The following LTBP2 variants were observed in gnomAD, a reference collection of about 807,000 sequenced individuals.
The protein encoded by LTBP2 is latent transforming growth factor beta binding protein 2.
LTBP2 carries 103 observed loss-of-function variants against 210.6 expected under a neutral mutation model. That is an observed-to-expected ratio of 0.49 (90% confidence interval 0.42 to 0.58). The LOEUF (loss-of-function observed/expected upper bound fraction) is 0.58, where lower values mean the gene tolerates loss of function less well. LTBP2 is among the 20% of genes least tolerant of loss of function. The pLI, the probability that LTBP2 is intolerant of heterozygous loss-of-function variation, is 0.00. For synonymous variants in LTBP2, 1,007 were observed against 1,015.0 expected, an observed-to-expected ratio of 0.99 and a Z score of 0.15; for missense variants, 2,313 against 2,494.5, an observed-to-expected ratio of 0.93 and a Z score of 1.55.
intron 2 of LTBP2, among the ~76,000 whole-genome samples, chr14:74,594,542 C>T (rs1201125588): frequency 1.3e-5 from 2 of 152,210 alleles, no homozygotes; most frequent in Non-Finnish European, 2.9e-5. Context: ...GGGGCCCTGT[C>T]CCCTTTCACA....
chr14:74,595,486 G>A (rs2088347549), intron 2 of LTBP2, among the ~76,000 whole-genome samples: 1 of 152,234 alleles, frequency 6.6e-6, no homozygotes, highest in African/African-American at 2.4e-5. Context: ...GGGCCCCAGA[G>A]GTGAGACAGG....
Position 74,511,370 on chromosome 14 carries a change from A to G in LTBP2, c.2909-6T>C. The G allele has an allele frequency of 6.2e-7, 1 of 1,613,952 alleles. No homozygotes were observed. Among genetic ancestry groups the G allele is most frequent in the Non-Finnish European group, 8.5e-7 (1 of 1,179,918 alleles). ...GTGACGGCATTCGTTGATATCTGCA[A>G]AACAGCAGCCCCTCCCTTGGTCATC... On this transcript the variant is annotated splice_polypyrimidine_tract_variant and splice_region_variant and intron_variant, in intron 18 of 35. Transcript: ENST00000261978.
intron 1 of LTBP2, among the ~76,000 whole-genome samples, chr14:74,610,527 G>C (rs150765424): frequency 6.6e-5 from 10 of 152,340 alleles, no homozygotes; most frequent in Middle Eastern, 6.8e-3. Context: ...GCCCTTCCCA[G>C]ACTTCCCGAT....
Position 74,503,962 on chromosome 14 carries a change from C to T in LTBP2, c.4546G>A (p.Gly1516Ser), listed in dbSNP as rs371111102. The T allele has an allele frequency of 1.7e-5, 27 of 1,614,028 alleles. No individual in the cohort carries two copies. The highest frequency in any genetic ancestry group is 8.9e-5 in the East Asian group (4 of 44,890). The change falls in exon 31 of 36, where the codon GGC (glycine) becomes AGC (serine). Residue 1516 changes from glycine to serine, a missense_variant. By Grantham distance (56) the Gly-to-Ser change is moderately conservative (BLOSUM62 0). Around this residue, in one of 3 missense-constraint regions of LTBP2, gnomAD observed 443 missense variants for 501.4 expected, o/e 0.88. Transcript: ENST00000261978. ...VPGYVCLCNP[G>S]FHYDASHKKC... ...TTGTGGGAAGCATCGTAGTGGAAGC[C>T]GGGATTGCACAGGCAGACATAACCA...
At position 74,528,669 on chromosome 14, in the gene LTBP2, G is replaced by A. The variant is rs2087309445; in HGVS notation, c.2182C>T (p.His728Tyr). Residue 728 changes from histidine to tyrosine, a missense_variant, in exon 12 of 36, where the codon CAC becomes TAC. His to Tyr is a moderately conservative substitution (Grantham distance 83, BLOSUM62 2). This residue lies in a region of LTBP2 where 1,867 missense variants were observed against 1,976.9 expected (regional missense o/e 0.94). Coordinates refer to ENST00000261978, the MANE Select transcript of LTBP2 (RefSeq NM_000428.3). The part of the protein sequence containing the change: ...EAFREICPAG[H>Y]GYTYASSDIR... ...TCGGAGCTCGCGTAGGTGTAGCCGT[G>A]GCCGGCAGGGCAGATCTCTCTGAAG... 1 of 1,612,852 alleles carries A rather than the reference G, an allele frequency of 6.2e-7. No individual in the cohort carries two copies. Among genetic ancestry groups the A allele is most frequent in the Non-Finnish European group, 8.5e-7 (1 of 1,180,038 alleles).
intron 21 of LTBP2, 98 bp from the exon 22 acceptor site, chr14:74,509,461 G>T: frequency 6.4e-7 from 1 of 1,564,660 alleles, no homozygotes; most frequent in Non-Finnish European, 8.8e-7. Flanking sequence ...AGCCCCTGGG[G>T]CTTTCCTAAA....
intron 3 of LTBP2, among the ~76,000 whole-genome samples, chr14:74,578,727 G>C (rs1289217710): frequency 2.6e-5 from 4 of 152,188 alleles, no homozygotes; most frequent in Non-Finnish European, 4.4e-5. Context: ...GCCTTGTCCT[G>C]TGTCCTCCCT....
At chr14:74,580,257 T>C (rs2088118935) in intron 3 of LTBP2, among the ~76,000 whole-genome samples, 1 of 152,122 alleles carries the variant, frequency 6.6e-6, no homozygotes, top group South Asian at 2.1e-4. Context: ...CGGGTTGAAT[T>C]GTGTCCTCAT....
At chr14:74,555,739 G>GTGTC (rs1181754906) in intron 3 of LTBP2, 46 bp from the exon 4 acceptor site, 1 of 1,405,474 alleles carries the variant, frequency 7.1e-7, no homozygotes, top group African/African-American at 1.4e-5. Context: ...TGGGAACAGT[G>GTGTC]TGTCTGTGCC....
In LTBP2 at chr14:74,501,709, C is replaced by T. The variant is rs1185328220; in HGVS notation, c.5171-119G>A. The T allele has an allele frequency of 6.6e-6, 8 of 1,210,144 alleles. No homozygotes were observed. In the East Asian group the frequency reaches 1.5e-4, roughly 22 times the overall value. The allele number at this position is 1,210,144 out of a possible 1,614,324, so 75.0% of individuals were successfully genotyped here. ...CCCTGTGGAACTGTGGGGGTGGGGG[C>T]AGAGAGGATCATAAAATTCTTGTGG... is the stretch of plus-strand genomic sequence containing the variant. On this transcript the variant is annotated intron_variant, in intron 34 of 35. Transcript: ENST00000261978.
chr14:74,606,968 A>C (rs1458584927), intron 1 of LTBP2, among the ~76,000 whole-genome samples: 2 of 151,974 alleles, frequency 1.3e-5, no homozygotes, highest in African/African-American at 2.4e-5. Flanking sequence ...GTTGTATCTC[A>C]GTCTTGGGTA....
Position 74,503,470 on chromosome 14 carries a change from C to T in LTBP2, c.4719G>A (p.Thr1573=), listed in dbSNP as rs763812721. The change falls in exon 32 of 36, where the codon ACG becomes ACA. Residue 1573 remains threonine, a splice_region_variant and synonymous_variant. Transcript: ENST00000261978. ...QQRCMNSTSS[T]EDLPDHDIHM... ...TCCCCCACGCTCAGGCCCACTCACC[C>T]GTGCTGCTGGTGCTGTTCATGCAGC... 25 of 1,610,790 alleles carry T rather than the reference C, an allele frequency of 1.6e-5. No individual in the cohort carries two copies. Among genetic ancestry groups the T allele is most frequent in the Admixed American group, 8.4e-5 (5 of 59,828 alleles).
intron 18 of LTBP2, among the ~76,000 whole-genome samples, chr14:74,514,915 G>A (rs73308081): frequency 0.014 from 2,056 of 152,230 alleles, 41 homozygotes; most frequent in African/African-American, 0.048. Flanking sequence ...CAACAGACTC[G>A]GAGTGTCTGC....
intron 22 of LTBP2, 65 bp from the exon 23 acceptor site, chr14:74,509,017 G>T: frequency 6.2e-7 from 1 of 1,605,040 alleles, no homozygotes. Context: ...GGAGTCAAGG[G>T]GGAAGTCTCC....
intron 3 of LTBP2, among the ~76,000 whole-genome samples, chr14:74,582,616 T>C (rs558871222): frequency 1.8e-4 from 28 of 152,264 alleles, no homozygotes; most frequent in African/African-American, 6.3e-4. Flanking sequence ...GTGGACACTA[T>C]TGGCTCAGAG....
chr14:74,500,760 G>T lies in LTBP2; in HGVS notation c.*124C>A. On this transcript the variant is annotated 3_prime_UTR_variant, in exon 36 of 36. Transcript: ENST00000261978. ...GCTAAGCTGGGAGAGATGAAAGCAG[G>T]CAAGGCTGATTGGAAACCTCTGGCC... 7.6e-7 allele frequency: 1 copy of T among 1,321,598 alleles called. No individual in the cohort carries two copies. The allele number at this position is 1,321,598 out of a possible 1,614,324, so 81.9% of individuals were successfully genotyped here. A position where few individuals can be genotyped will look rare whatever the true frequency, so the allele number is the denominator to read the frequency against.
chr14:74,539,933 C>T (rs2358797), intron 8 of LTBP2, among the ~76,000 whole-genome samples: 149,392 of 152,342 alleles, frequency 0.98, 73,378 homozygotes, highest in African/African-American at 1. Flanking sequence ...GGTCTCCTCC[C>T]TAATAAGGGG....
intron 8 of LTBP2, among the ~76,000 whole-genome samples, chr14:74,538,867 C>T (rs1168350381): frequency 7.9e-5 from 12 of 152,166 alleles, no homozygotes; most frequent in African/African-American, 1.2e-4. Context: ...ATTCTGAAAA[C>T]GCTGAGAAGG....
At chr14:74,528,428 G>A in intron 12 of LTBP2, 55 bp downstream of exon 12, 1 of 1,587,418 alleles carries the variant, frequency 6.3e-7, no homozygotes, top group East Asian at 2.2e-5. Context: ...TCTCTGAGGT[G>A]CTGGAAACTT....
Sources: allele counts gnomAD v4.1 joint callset (sites outside exome capture counted in the v4.1 genomes callset), GRCh38; gene constraint gnomAD v4.1.1; regional missense constraint gnomAD v4.1.1; transcripts MANE v1.5; gene names NCBI Gene and HGNC (gene_info 2026-07-23, HGNC 2026-07-21).